GRIN2B: variants seen among roughly 807,000 people sequenced by gnomAD.
The protein encoded by GRIN2B is glutamate ionotropic receptor NMDA type subunit 2B, also known as glutamate receptor ionotropic, NMDA 2B.
A neutral mutation model predicts 114.5 loss-of-function variants in GRIN2B; 5 were observed. The observed-to-expected ratio is 0.04, with a 90% CI of 0.02 to 0.09. The LOEUF (loss-of-function observed/expected upper bound fraction) is 0.09, where lower values mean the gene tolerates loss of function less well. Ranked by LOEUF, GRIN2B falls within the 10% of genes least tolerant of loss-of-function variation. The pLI is 1.00. For synonymous variants in GRIN2B, 787 were observed against 745.1 expected (o/e 1.06, Z -0.92); for missense variants, 1,108 against 1,943.5 (o/e 0.57, Z 8.08).
intron 2 of GRIN2B, among the ~76,000 whole-genome samples, chr12:13,951,773 T>C (rs189383320): frequency 7.2e-5 from 11 of 152,340 alleles, no homozygotes; most frequent in African/African-American, 2.4e-4. Flanking sequence ...CTAATTTATC[T>C]GTGAAACCAC....
At chr12:13,725,905 C>T (rs1187611853) in intron 4 of GRIN2B, among the ~76,000 whole-genome samples, 1 of 152,088 alleles carries the variant, frequency 6.6e-6, no homozygotes, top group Non-Finnish European at 1.5e-5. Context: ...CACAATGACT[C>T]TCCTGGAGAT....
At chr12:13,959,514 G>C (rs912159428) in intron 2 of GRIN2B, among the ~76,000 whole-genome samples, 1 of 152,174 alleles carries the variant, frequency 6.6e-6, no homozygotes, top group African/African-American at 2.4e-5. Flanking sequence ...GGTCCAGGCG[G>C]GGGATGCCAG....
At chr12:13,896,115 A>G (rs1022759038) in intron 2 of GRIN2B, among the ~76,000 whole-genome samples, 1 of 152,176 alleles carries the variant, frequency 6.6e-6, no homozygotes, top group Non-Finnish European at 1.5e-5. Context: ...ACACAAACAG[A>G]GGATCGCAGT....
chr12:13,807,912 G>A (rs1209553111), intron 3 of GRIN2B, among the ~76,000 whole-genome samples: 1 of 151,990 alleles, frequency 6.6e-6, no homozygotes, highest in Non-Finnish European at 1.5e-5. Flanking sequence ...GGAAGTTTAA[G>A]CAGCAGTAGA....
chr12:13,605,804 G>T (rs982914030), intron 10 of GRIN2B, among the ~76,000 whole-genome samples: 1 of 152,146 alleles, frequency 6.6e-6, no homozygotes, highest in African/African-American at 2.4e-5. Context: ...ATGAGGGTAA[G>T]AGAAAGATAA....
Position 13,729,160 on chromosome 12 carries a change from G to A in GRIN2B, c.1010+24157C>T, listed in dbSNP as rs955471273. ...TCTTACTTAGCACTAGCTATCCTGT[G>A]CTTTAAACAAAGAAAACAAAATATG... On this transcript the variant is annotated intron_variant, in intron 4 of 13. Transcript: ENST00000609686. Among the ~76,000 whole-genome samples the A allele has an allele frequency of 1.6e-4, 24 of 152,190 alleles. 1 individual carries two copies. The highest frequency in any genetic ancestry group is 1.5e-5 in the Non-Finnish European group (1 of 68,032).
intron 4 of GRIN2B, among the ~76,000 whole-genome samples, chr12:13,732,633 G>A (rs1225348923): frequency 6.6e-6 from 1 of 152,156 alleles, no homozygotes; most frequent in Non-Finnish European, 1.5e-5. Context: ...TTTTGTGTAT[G>A]GGGACTTCAC....
At chr12:13,964,091 G>C (rs1237295667) in intron 2 of GRIN2B, among the ~76,000 whole-genome samples, 1 of 152,156 alleles carries the variant, frequency 6.6e-6, no homozygotes, top group Non-Finnish European at 1.5e-5. Flanking sequence ...GGGTGGACTG[G>C]GAGGTGGCTA....
At chr12:13,726,974 A>G (rs965109186) in intron 4 of GRIN2B, among the ~76,000 whole-genome samples, 1 of 152,116 alleles carries the variant, frequency 6.6e-6, no homozygotes. Flanking sequence ...CAATCCTTTC[A>G]CAGAACAGTT....
chr12:13,700,480 C>A (rs926207786), intron 4 of GRIN2B, among the ~76,000 whole-genome samples: 12 of 152,164 alleles, frequency 7.9e-5, no homozygotes, highest in African/African-American at 2.9e-4. Context: ...ACCCTTAACT[C>A]TGGATTGGGC....
intron 3 of GRIN2B, among the ~76,000 whole-genome samples, chr12:13,858,497 A>G (rs1055319716): frequency 6.6e-6 from 1 of 152,228 alleles, no homozygotes; most frequent in Non-Finnish European, 1.5e-5. Context: ...AAAGGGGACT[A>G]AAAATATACT....
intron 3 of GRIN2B, among the ~76,000 whole-genome samples, chr12:13,792,606 C>A (rs535296479): frequency 9.2e-5 from 14 of 152,246 alleles, no homozygotes; most frequent in Non-Finnish European, 1.9e-4. Context: ...AGGCTTCAGG[C>A]TCCCTGAGGA....
At chr12:13,770,705 C>T (rs1244635272) in intron 3 of GRIN2B, among the ~76,000 whole-genome samples, 1 of 152,088 alleles carries the variant, frequency 6.6e-6, no homozygotes, top group Non-Finnish European at 1.5e-5. Flanking sequence ...GTGTGTTGTT[C>T]CCCTCCCTGT....
At chr12:13,952,273 C>T (rs1384961324) in intron 2 of GRIN2B, among the ~76,000 whole-genome samples, 1 of 152,134 alleles carries the variant, frequency 6.6e-6, no homozygotes, top group Non-Finnish European at 1.5e-5. Flanking sequence ...ATCTCTGAAG[C>T]ACTCGATTCT....
chr12:13,686,197 T>A (rs980744541), intron 4 of GRIN2B, among the ~76,000 whole-genome samples: 1 of 152,166 alleles, frequency 6.6e-6, no homozygotes, highest in Non-Finnish European at 1.5e-5. Context: ...TTGGGGAAGA[T>A]CAAATTTATT....
chr12:13,802,495 C>T (rs142967474), intron 3 of GRIN2B, among the ~76,000 whole-genome samples: 75 of 152,074 alleles, frequency 4.9e-4, no homozygotes, highest in African/African-American at 1.5e-3. Context: ...TTAGGATAGA[C>T]AAAAAGATTT....
intron 4 of GRIN2B, among the ~76,000 whole-genome samples, chr12:13,746,455 A>G (rs1316694242): frequency 1.3e-5 from 2 of 152,072 alleles, no homozygotes; most frequent in Non-Finnish European, 2.9e-5. Flanking sequence ...TCTGCCTTCA[A>G]GACCATCCTA....
intron 4 of GRIN2B, among the ~76,000 whole-genome samples, chr12:13,710,459 C>T (rs528828809): frequency 6.3e-4 from 96 of 152,048 alleles, no homozygotes; most frequent in South Asian, 3.3e-3. Context: ...GCAGATGACA[C>T]GATTGTATGT....
chr12:13,874,885 A>G (rs1448933608), intron 2 of GRIN2B, among the ~76,000 whole-genome samples: 2 of 152,148 alleles, frequency 1.3e-5, no homozygotes, highest in African/African-American at 4.8e-5. Flanking sequence ...CACCAAACCT[A>G]TAGGCATCTA....
Sources: allele counts gnomAD v4.1 joint callset (sites outside exome capture counted in the v4.1 genomes callset), GRCh38; gene constraint gnomAD v4.1.1; transcripts MANE v1.5; gene names NCBI Gene and HGNC (gene_info 2026-07-23, HGNC 2026-07-21).